Variants in OAS3 observed in about 807,000 individuals in gnomAD.
OAS3 encodes the protein 2'-5'-oligoadenylate synthetase 3.
Under a neutral mutation model 113.0 loss-of-function variants are expected in OAS3, and 107 were observed. The observed-to-expected ratio is 0.95, with a 90% CI of 0.81 to 1.11. The LOEUF (loss-of-function observed/expected upper bound fraction) is 1.11. Ranked by LOEUF, OAS3 falls within the 50% of genes most tolerant of loss-of-function variation. The pLI is 0.00. For missense variants in OAS3, 1,258 were observed against 1,389.1 expected, an observed-to-expected ratio of 0.91 and a Z score of 1.50; for synonymous variants, 552 against 573.6, an observed-to-expected ratio of 0.96 and a Z score of 0.54.
intron 7 of OAS3, 130 bp downstream of exon 7, chr12:112,951,105 A>AT: frequency 6.1e-6 from 5 of 815,824 alleles, no homozygotes; most frequent in Non-Finnish European, 9.4e-6. Context: ...ACTTTGAGAT[A>AT]CTGAAAGTAA....
chr12:112,971,426 G>A lies in OAS3; in HGVS notation c.*1453G>A, dbSNP rs2043983054. 6.5e-6 allele frequency: 1 copy of A among 152,840 alleles called. No homozygotes were observed. The highest frequency in any genetic ancestry group is 2.4e-5 in the African/African-American group (1 of 41,478). The allele number at this position is 152,840 out of a possible 1,614,324, so 9.5% of individuals were successfully genotyped here. On this transcript the variant is annotated 3_prime_UTR_variant, in exon 16 of 16. Transcript: ENST00000228928. ...GAATCTAAATTACAGCCAGACCTCT[G>A]GCTGCAGAGGAGTCTGAGACATGTA...
chr12:112,959,458 G>C (rs992916194), intron 7 of OAS3, among the ~76,000 whole-genome samples: 1 of 152,132 alleles, frequency 6.6e-6, no homozygotes, highest in African/African-American at 2.4e-5. Flanking sequence ...GACTGGAGCT[G>C]TTCCTATTCA....
In OAS3 at chr12:112,946,746, T is replaced by C. The variant is rs1426895845; in HGVS notation, c.640T>C (p.Cys214Arg). ...LLVKHWYHQVCLQGLWKETLP... is the reference protein window; with the variant it reads ...LLVKHWYHQVRLQGLWKETLP... ...CCCTGCCGATGCCCTCTCACAGGTG[T>C]GCCTACAGGGGTTGTGGAAGGAGAC... The change falls in exon 4 of 16, where the codon TGC (cysteine) becomes CGC (arginine). Residue 214 changes from cysteine to arginine, a missense_variant. Coordinates refer to ENST00000228928, the MANE Select transcript of OAS3 (RefSeq NM_006187.4). 1 of 1,607,756 alleles carries C rather than the reference T, an allele frequency of 6.2e-7. No individual in the cohort carries two copies. The highest frequency in any genetic ancestry group is 1.7e-5 in the Admixed American group (1 of 59,030).
intron 7 of OAS3, among the ~76,000 whole-genome samples, chr12:112,951,258 A>T (rs2043788533): frequency 6.6e-6 from 1 of 152,168 alleles, no homozygotes; most frequent in Non-Finnish European, 1.5e-5. Flanking sequence ...AACAGTAGGC[A>T]TATCTGCTTG....
At chr12:112,946,329 G>A (rs1009446123) in intron 3 of OAS3, among the ~76,000 whole-genome samples, 5 of 152,094 alleles carry the variant, frequency 3.3e-5, no homozygotes, top group Non-Finnish European at 7.4e-5. Context: ...GAGTGAGGAG[G>A]GAAGGACAGA....
At chr12:112,953,502 C>T (rs1055063774) in intron 7 of OAS3, among the ~76,000 whole-genome samples, 10 of 152,132 alleles carry the variant, frequency 6.6e-5, no homozygotes, top group South Asian at 2.1e-4. Flanking sequence ...GGTATATACC[C>T]GGTAATGGGA....
At chr12:112,953,284 A>G (rs1013597245) in intron 7 of OAS3, among the ~76,000 whole-genome samples, 3 of 152,212 alleles carry the variant, frequency 2.0e-5, no homozygotes, top group Non-Finnish European at 4.4e-5. Flanking sequence ...GATGGTTTCC[A>G]ACTTCATCCA....
Position 112,939,306 on chromosome 12 carries a change from C to CTTTTTTTTTTT in OAS3, c.177+620_177+630dup, listed in dbSNP as rs58792765. Among the ~76,000 whole-genome samples, 16 of 68,298 alleles carry CTTTTTTTTTTT rather than the reference C, an allele frequency of 2.3e-4. 1 individual carries two copies. The highest frequency in any genetic ancestry group is 8.2e-4 in the African/African-American group (15 of 18,274). The allele number at this position is 68,298 out of a possible 152,430, so 44.8% of individuals were successfully genotyped here. A position where few individuals can be genotyped will look rare whatever the true frequency, so the allele number is the denominator to read the frequency against. ...GCTAAATTACTACTCTGAGTCACAT[C>CTTTTTTTTTTT]TTTTTTTTTTTTTTTTTTTTTTTTT... On this transcript the variant is annotated intron_variant, in intron 1 of 15. Coordinates refer to ENST00000228928, the MANE Select transcript of OAS3 (RefSeq NM_006187.4).
At chr12:112,941,424 G>A in intron 1 of OAS3, 146 bp from the exon 2 acceptor site, 1 of 775,362 alleles carries the variant, frequency 1.3e-6, no homozygotes, top group Non-Finnish European at 2.1e-6. Context: ...GCTACCCTGG[G>A]CCCACATTCC....
Position 112,946,776 on chromosome 12 carries a change from C to G in OAS3, c.670C>G (p.Pro224Ala), listed in dbSNP as rs1165553192. The G allele has an allele frequency of 6.2e-7, 1 of 1,612,300 alleles. No individual in the cohort carries two copies. Among genetic ancestry groups the G allele is most frequent in the East Asian group, 2.2e-5 (1 of 44,846 alleles). ...CLQGLWKETL[P>A]PVYALELLTI... The stretch of plus-strand genomic sequence containing the variant: ...ACAGGGGTTGTGGAAGGAGACGCTG[C>G]CCCCGGTCTATGCCCTGGAATTGCT... Residue 224 changes from proline (P) to alanine (A), a missense_variant, in exon 4 of 16, where the codon CCC becomes GCC. By Grantham distance (27) the Pro-to-Ala change is conservative. Coordinates refer to ENST00000228928, the MANE Select transcript of OAS3 (RefSeq NM_006187.4).
chr12:112,938,518 G>A lies in OAS3; in HGVS notation c.-13G>A, dbSNP rs2043648786. ...CAGAGCCCTGCTTCCCCTTGCACCT[G>A]CGCCGGGCGGCCATGGACTTGTACA... On this transcript the variant is annotated 5_prime_UTR_variant, in exon 1 of 16. Coordinates refer to ENST00000228928, the MANE Select transcript of OAS3 (RefSeq NM_006187.4). 4 of 1,560,358 alleles carry A rather than the reference G, an allele frequency of 2.6e-6. No individual in the cohort carries two copies. Among genetic ancestry groups the A allele is most frequent in the Non-Finnish European group, 3.5e-6 (4 of 1,156,960 alleles).
chr12:112,958,333 C>T (rs2136355139), intron 7 of OAS3, among the ~76,000 whole-genome samples: 1 of 152,384 alleles, frequency 6.6e-6, no homozygotes, highest in East Asian at 1.9e-4. Flanking sequence ...CTGAAGCCTT[C>T]TTCTCTCAAC....
In OAS3 at chr12:112,961,153, G is replaced by A. The variant is rs2043880228; in HGVS notation, c.1740G>A (p.Lys580=). 6.2e-7 allele frequency: 1 copy of A among 1,613,354 alleles called. No homozygotes were observed. The highest frequency in any genetic ancestry group is 1.6e-4 in the Middle Eastern group (1 of 6,062). The stretch of plus-strand genomic sequence containing the variant: ...GTGGCTGCCAGGAGGGCGAGCATAA[G>A]GCCTGCTTCGCAGAGCTGCGGAGGA... The part of the protein sequence containing the change: ...LTSGCQEGEH[K]ACFAELRRNF... Residue 580 remains lysine, a synonymous_variant, in exon 8 of 16, where the codon AAG becomes AAA. Coordinates refer to ENST00000228928, the MANE Select transcript of OAS3 (RefSeq NM_006187.4).
Position 112,961,109 on chromosome 12 carries a change from T to C in OAS3, c.1696T>C (p.Tyr566His), listed in dbSNP as rs1565980131. The C allele has an allele frequency of 1.9e-6, 3 of 1,613,444 alleles. No individual in the cohort carries two copies. The highest frequency in any genetic ancestry group is 1.3e-5 in the African/African-American group (1 of 74,646). Reference protein sequence around the residue: ...SSGTKPNPQVYSRLLTSGCQE... With the variant: ...SSGTKPNPQVHSRLLTSGCQE... Reference sequence around the variant, plus strand: ...TGGCACCAAACCAAATCCCCAGGTCTACTCGAGGCTCCTCACCAGTGGCTG... The same window carrying C: ...TGGCACCAAACCAAATCCCCAGGTCCACTCGAGGCTCCTCACCAGTGGCTG... Residue 566 changes from tyrosine (Y) to histidine (H), a missense_variant, in exon 8 of 16, where the codon TAC (tyrosine) becomes CAC (histidine). Tyr to His is a moderately conservative substitution (Grantham distance 83). Transcript: ENST00000228928.
rs930418280 is a variant in OAS3, at chr12:112,963,004, G to A, written c.2084+102G>A. Reference sequence around the variant, plus strand: ...AGGAGTCCAAGGTAGGGTTTGGGGTGGCAATCCCACTCCTCACTCTGCTTC... The same window carrying A: ...AGGAGTCCAAGGTAGGGTTTGGGGTAGCAATCCCACTCCTCACTCTGCTTC... On this transcript the variant is annotated intron_variant, in intron 9 of 15. Transcript: ENST00000228928. The surrounding 1 kb of genome is among the most constrained non-coding windows in gnomAD (Gnocchi z 4.6). 4.7e-6 allele frequency: 7 copies of A among 1,491,134 alleles called. No homozygotes were observed. Among genetic ancestry groups the A allele is most frequent in the South Asian group, 3.8e-5 (3 of 79,320 alleles). The allele number at this position is 1,491,134 out of a possible 1,614,324, so 92.4% of individuals were successfully genotyped here.
intron 14 of OAS3, chr12:112,969,337 G>T: frequency 2.0e-6 from 1 of 498,406 alleles, no homozygotes; most frequent in Non-Finnish European, 3.7e-6. Context: ...TGTTGTGATT[G>T]ATTAACAATG....
rs1426757426 is a variant in OAS3, at chr12:112,967,544, C to A, written c.2816C>A (p.Pro939His). The A allele has an allele frequency of 6.2e-7, 1 of 1,613,844 alleles. No individual in the cohort carries two copies. The highest frequency in any genetic ancestry group is 1.1e-5 in the South Asian group (1 of 91,020). ...ELQRDFIISR[P>H]TKLKSLIRLV... ...CAACGGGACTTCATCATCTCTCGCCCTACCAAGCTGAAGAGCCTGATCCGG... is the reference window on the plus strand; with the variant it reads ...CAACGGGACTTCATCATCTCTCGCCATACCAAGCTGAAGAGCCTGATCCGG... The change falls in exon 13 of 16, where the codon CCT (proline) becomes CAT (histidine). Residue 939 changes from proline to histidine, a missense_variant. Transcript: ENST00000228928.
chr12:112,946,883 C>G lies in OAS3; in HGVS notation c.777C>G (p.Ile259Met). The G allele has an allele frequency of 6.2e-7, 1 of 1,614,028 alleles. No individual in the cohort carries two copies. The highest frequency in any genetic ancestry group is 1.1e-5 in the South Asian group (1 of 91,072). Residue 259 changes from isoleucine (I) to methionine (M), a missense_variant, in exon 4 of 16, where the codon ATC becomes ATG. Transcript: ENST00000228928. ...GCCTCCGAACTGTCCTGGGCCTGAT[C>G]CAACAGCATCAGCACCTGTGTGTTT... ...AEGLRTVLGL[I>M]QQHQHLCVFW...
chr12:112,938,579 AGAAGG>A lies in OAS3; in HGVS notation c.50_54del (p.Arg17ThrfsTer56). 6.2e-7 allele frequency: 1 copy of A among 1,610,642 alleles called. No individual in the cohort carries two copies. Among genetic ancestry groups the A allele is most frequent in the East Asian group, 2.2e-5 (1 of 44,702 alleles). Reference sequence around the variant, plus strand: ...CGCTGCGCTGGACAGGTTCGTGGCCAGAAGGCTGCAGCCGCGGAAGGAGTTCGTAG... The same window carrying A: ...CGCTGCGCTGGACAGGTTCGTGGCCACTGCAGCCGCGGAAGGAGTTCGTAG... On this transcript the variant is annotated frameshift_variant, in exon 1 of 16. Transcript: ENST00000228928. LOFTEE classifies it high-confidence loss of function.
Sources: gnomAD v4.1 joint callset for allele counts (sites outside exome capture counted in the v4.1 genomes callset) on GRCh38, gnomAD v4.1.1 for gene constraint, Gnocchi (gnomAD v3.1) non-coding constraint, MANE v1.5 for transcripts, NCBI Gene and HGNC (gene_info 2026-07-23, HGNC 2026-07-21) for gene names.